TMEM94: variants seen among roughly 807,000 people sequenced by gnomAD.
TMEM94 encodes the protein ER Mg2+ ATPase.
In TMEM94, 81 loss-of-function variants were observed where a neutral mutation model predicts 158.6. The observed-to-expected ratio is 0.51, with a 90% CI of 0.43 to 0.61. The LOEUF (loss-of-function observed/expected upper bound fraction) is 0.61, where lower values mean the gene tolerates loss of function less well. TMEM94 is among the 20% of genes least tolerant of loss of function. The pLI, the probability that TMEM94 is intolerant of heterozygous loss-of-function variation, is 0.00. For synonymous variants in TMEM94, 751 were observed against 730.7 expected, an observed-to-expected ratio of 1.03 and a Z score of -0.45; for missense variants, 1,435 against 1,762.0, an observed-to-expected ratio of 0.81 and a Z score of 3.32.
rs1177720094 is a variant in TMEM94, at chr17:75,487,483, T to A, written c.410-449T>A. 6.4e-6 allele frequency: 1 copy of A among 157,072 alleles called. No individual in the cohort carries two copies. Among genetic ancestry groups the A allele is most frequent in the African/African-American group, 2.4e-5 (1 of 41,472 alleles). 9.7% of individuals were successfully genotyped at this position (157,072 alleles called of 1,614,324 possible). A position where few individuals can be genotyped will look rare whatever the true frequency, so the allele number is the denominator to read the frequency against. ...AGCCACCTCTGATCGCCCCAGCAAA[T>A]CGGTTTGCTCCCTCTTCTGGACTCC... On this transcript the variant is annotated intron_variant, in intron 5 of 31. Transcript: ENST00000314256. This position sits in a 1 kb window ranked among gnomAD's most constrained non-coding sequence, Gnocchi z 4.6.
chr17:75,478,003 C>CTTTTT lies in TMEM94; in HGVS notation c.24+6100_24+6104dup, dbSNP rs909668190. ...CCTGGGCAACAAAGCGAGACTCCAT[C>CTTTTT]TTTTTTTTTTTTTTTTTTTTTTTTT... On this transcript the variant is annotated intron_variant, in intron 2 of 31. Transcript: ENST00000314256. Among the ~76,000 whole-genome samples the CTTTTT allele has an allele frequency of 5.5e-4, 32 of 57,918 alleles. 7 individuals carry two copies. The highest frequency in any genetic ancestry group is 2.2e-3 in the African/African-American group (21 of 9,556). 38.0% of individuals were successfully genotyped at this position (57,918 alleles called of 152,430 possible).
chr17:75,497,219 C>T (rs372740089), intron 26 of TMEM94, 21 bp downstream of exon 26: 7 of 1,595,158 alleles, frequency 4.4e-6, no homozygotes, highest in Middle Eastern at 1.7e-4. Flanking sequence ...ATGTATCTTC[C>T]CCACACCCCA....
In TMEM94 at chr17:75,495,852, C is replaced by T; in HGVS notation, c.2945-114C>T. The stretch of plus-strand genomic sequence containing the variant: ...CCCGCTGCCGGGGGTGGGATTGTTT[C>T]AAAGAGGGGCCCACCTCCCATCGCC... On this transcript the variant is annotated intron_variant, in intron 22 of 31. Coordinates refer to ENST00000314256, the MANE Select transcript of TMEM94 (RefSeq NM_014738.6). The surrounding 1 kb of genome is among the most constrained non-coding windows in gnomAD (Gnocchi z 5.6). 1.2e-6 allele frequency: 1 copy of T among 859,104 alleles called. No individual in the cohort carries two copies. Among genetic ancestry groups the T allele is most frequent in the Middle Eastern group, 2.4e-4 (1 of 4,222 alleles). The allele number at this position is 859,104 out of a possible 1,614,324, so 53.2% of individuals were successfully genotyped here. A position where few individuals can be genotyped will look rare whatever the true frequency, so the allele number is the denominator to read the frequency against.
At chr17:75,483,717 A>C (rs1006718037) in intron 2 of TMEM94, among the ~76,000 whole-genome samples, 1 of 152,090 alleles carries the variant, frequency 6.6e-6, no homozygotes, top group Non-Finnish European at 1.5e-5. Flanking sequence ...CACCCATCTC[A>C]GCTTCCCAAA....
At chr17:75,467,121 C>T (rs1316754740) in intron 1 of TMEM94, among the ~76,000 whole-genome samples, 2 of 151,172 alleles carry the variant, frequency 1.3e-5, no homozygotes, top group Non-Finnish European at 2.9e-5. Context: ...ATTACAGGCA[C>T]CCAAAACCAC....
In TMEM94 at chr17:75,495,799, G is replaced by A. The variant is rs2052623008; in HGVS notation, c.2944+156G>A. On this transcript the variant is annotated intron_variant, in intron 22 of 31. Coordinates refer to ENST00000314256, the MANE Select transcript of TMEM94 (RefSeq NM_014738.6). The surrounding 1 kb of genome is among the most constrained non-coding windows in gnomAD (Gnocchi z 5.6). ...ATCAGCTGGGGAATCTTGTGGGTTG[G>A]AGTCAGAAGTGCCGATGTTCACATG... The A allele has an allele frequency of 2.3e-6, 2 of 854,420 alleles. No homozygotes were observed. The highest frequency in any genetic ancestry group is 1.9e-6 in the Non-Finnish European group (1 of 537,000). The allele number at this position is 854,420 out of a possible 1,614,324, so 52.9% of individuals were successfully genotyped here.
chr17:75,459,056 C>CA (rs56267733), intron 1 of TMEM94, among the ~76,000 whole-genome samples: 7,178 of 94,328 alleles, frequency 0.076, 555 homozygotes, highest in African/African-American at 0.23. Flanking sequence ...GACTCCGTCT[C>CA]AAAAAAAAAA....
chr17:75,474,532 T>G (rs62091797), intron 2 of TMEM94, among the ~76,000 whole-genome samples: 28,063 of 152,006 alleles, frequency 0.18, 3,328 homozygotes, highest in African/African-American at 0.33. Context: ...TCCCAGCTAT[T>G]TGGGAGGCTG....
intron 1 of TMEM94, among the ~76,000 whole-genome samples, chr17:75,464,522 C>G (rs1335077191): frequency 6.6e-6 from 1 of 152,068 alleles, no homozygotes; most frequent in African/African-American, 2.4e-5. Flanking sequence ...CTCAGAAACC[C>G]AGACTCTTCA....
Position 75,491,131 on chromosome 17 carries a change from T to G in TMEM94, c.1211T>G (p.Leu404Arg). Residue 404 changes from leucine (L) to arginine (R), a missense_variant, in exon 12 of 32, where the codon CTG (leucine) becomes CGG (arginine). Coordinates refer to ENST00000314256, the MANE Select transcript of TMEM94 (RefSeq NM_014738.6). The surrounding 1 kb of genome is among the most constrained non-coding windows in gnomAD (Gnocchi z 5.1). ...ACGCTGAGCCACAGTTCCAGCCTGC[T>G]GCACAGCCTGGGCTCTGTCACGGTG... ...SPTLSHSSSL[L>R]HSLGSVTVLC... 1 of 1,612,620 alleles carries G rather than the reference T, an allele frequency of 6.2e-7. No homozygotes were observed. The highest frequency in any genetic ancestry group is 8.5e-7 in the Non-Finnish European group (1 of 1,179,170).
At chr17:75,471,238 CA>C (rs763388343) in intron 1 of TMEM94, among the ~76,000 whole-genome samples, 1,532 of 69,956 alleles carry the variant, frequency 0.022, 6 homozygotes, top group Non-Finnish European at 0.036. Flanking sequence ...GAATCCGTCT[CA>C]AAAAAAAAAA....
intron 27 of TMEM94, 127 bp downstream of exon 27, chr17:75,497,989 C>A (rs982586484): frequency 8.6e-7 from 1 of 1,156,422 alleles, no homozygotes; most frequent in African/African-American, 1.5e-5. Context: ...GCACTTGGTT[C>A]CTAGTCTTCC....
chr17:75,489,911 TCTA>T lies in TMEM94; in HGVS notation c.954+253_954+255del. 1.7e-6 allele frequency: 1 copy of T among 575,366 alleles called. No homozygotes were observed. The highest frequency in any genetic ancestry group is 3.1e-6 in the Non-Finnish European group (1 of 320,810). 35.6% of individuals were successfully genotyped at this position (575,366 alleles called of 1,614,324 possible). ...CTGGCCAATATGGTGAAACCCCGTC[TCTA>T]CTAAGAATATAAAAATTAGCTGGGC... On this transcript the variant is annotated intron_variant, in intron 9 of 31. Transcript: ENST00000314256. This position sits in a 1 kb window ranked among gnomAD's most constrained non-coding sequence, Gnocchi z 5.0.
intron 25 of TMEM94, 22 bp from the exon 26 acceptor site, chr17:75,497,091 C>T: frequency 6.2e-7 from 1 of 1,607,416 alleles, no homozygotes; most frequent in Non-Finnish European, 8.5e-7. Flanking sequence ...AACTGTGGCT[C>T]TTGGCTTCTT....
Position 75,487,703 on chromosome 17 carries a change from G to T in TMEM94, c.410-229G>T, listed in dbSNP as rs544265012. On this transcript the variant is annotated intron_variant, in intron 5 of 31. Coordinates refer to ENST00000314256, the MANE Select transcript of TMEM94 (RefSeq NM_014738.6). The surrounding 1 kb of genome is among the most constrained non-coding windows in gnomAD (Gnocchi z 4.6). ...TGGGATGGGGGTACAAAGAACGAGAGCTCCAGGTGTTGAGAGGAGGTAGAG... is the reference window on the plus strand; with the variant it reads ...TGGGATGGGGGTACAAAGAACGAGATCTCCAGGTGTTGAGAGGAGGTAGAG... 2.0e-5 allele frequency among the ~76,000 whole-genome samples: 3 copies of T among 152,316 alleles called. No individual in the cohort carries two copies. Among genetic ancestry groups the T allele is most frequent in the South Asian group, 4.1e-4 (2 of 4,826 alleles).
chr17:75,496,504 G>A (rs765825391), intron 24 of TMEM94, 33 bp downstream of exon 24: 14 of 1,602,392 alleles, frequency 8.7e-6, no homozygotes, highest in African/African-American at 8.0e-5. Flanking sequence ...GAGGAGAGAC[G>A]CAGGACAGGA....
rs1163695351 is a variant in TMEM94, at chr17:75,493,519, C to T, written c.2115C>T (p.Thr705=). The T allele has an allele frequency of 5.6e-6, 9 of 1,613,896 alleles. No homozygotes were observed. The highest frequency in any genetic ancestry group is 1.3e-5 in the African/African-American group (1 of 74,920). ...CAGAGCAGATGCTGTCCCATGGCAC[C>T]GCTGATGTGGTCTTAGAGGCCTGCA... ...TSTEQMLSHG[T]ADVVLEACTD... The change falls in exon 17 of 32, where the codon ACC becomes ACT. Residue 705 remains threonine (T), a synonymous_variant. Coordinates refer to ENST00000314256, the MANE Select transcript of TMEM94 (RefSeq NM_014738.6).
intron 2 of TMEM94, among the ~76,000 whole-genome samples, chr17:75,484,334 G>A (rs2051411044): frequency 2.7e-5 from 3 of 109,488 alleles, no homozygotes; most frequent in African/African-American, 1.1e-4. Flanking sequence ...CTCCCTCCCT[G>A]ACAGAGCTGG....
chr17:75,466,975 G>GT (rs1367310344), intron 1 of TMEM94, among the ~76,000 whole-genome samples: 1 of 133,456 alleles, frequency 7.5e-6, no homozygotes, highest in African/African-American at 3.9e-5. Flanking sequence ...AATTTCTAAA[G>GT]GTTTTTTTTT....
Sources: allele counts gnomAD v4.1 joint callset (sites outside exome capture counted in the v4.1 genomes callset), GRCh38; gene constraint gnomAD v4.1.1; non-coding constraint Gnocchi (gnomAD v3.1); transcripts MANE v1.5; gene names NCBI Gene and HGNC (gene_info 2026-07-23, HGNC 2026-07-21).